MSI2: variants seen among roughly 807,000 people sequenced by gnomAD.
The protein encoded by MSI2 is musashi RNA binding protein 2.
Under a neutral mutation model 45.6 loss-of-function variants are expected in MSI2, and 17 were observed. That is an observed-to-expected ratio of 0.37 (90% CI 0.26 to 0.56). The LOEUF (loss-of-function observed/expected upper bound fraction) is 0.56. MSI2 is among the 20% of genes least tolerant of loss of function. The probability of loss-of-function intolerance (pLI) is 0.77; values close to 1 mark genes in which losing one functional copy is unlikely to be tolerated. For missense variants in MSI2, 293 were observed against 444.2 expected (o/e 0.66, Z 3.06); for synonymous variants, 156 against 158.2 (o/e 0.99, Z 0.11).
chr17:57,694,928 T>C, the MSI2 span, among the ~76,000 whole-genome samples: 228 of 152,366 alleles, frequency 1.5e-3, no homozygotes, highest in African/African-American at 5.2e-3. Flanking sequence ...GCAATGATTA[T>C]GTGAATTTGC....
Position 57,651,989 on chromosome 17 carries a change from A to G in MSI2, c.728-110A>G, listed in dbSNP as rs901563391. On this transcript the variant is annotated intron_variant, in intron 10 of 13. Coordinates refer to ENST00000284073, the MANE Select transcript of MSI2 (RefSeq NM_138962.4). ...AGCTGCCCTGTGAAAATCCCTTCCC[A>G]CTCCTGTCTTTGTGTGGAGGGCGGG... 3 of 994,464 alleles carry G rather than the reference A, an allele frequency of 3.0e-6. No individual in the cohort carries two copies. In the South Asian group the frequency reaches 4.1e-5, roughly 14 times the overall value. 61.6% of individuals were successfully genotyped at this position (994,464 alleles called of 1,614,324 possible). A position where few individuals can be genotyped will look rare whatever the true frequency, so the allele number is the denominator to read the frequency against.
intron 5 of MSI2, among the ~76,000 whole-genome samples, chr17:57,289,178 A>G (rs1355201767): frequency 2.0e-5 from 3 of 152,218 alleles, no homozygotes; most frequent in Non-Finnish European, 4.4e-5. Flanking sequence ...GGCTAGCCAC[A>G]TGCCCTGGGT....
chr17:57,504,081 T>C (rs2086174640), intron 6 of MSI2, among the ~76,000 whole-genome samples: 1 of 152,140 alleles, frequency 6.6e-6, no homozygotes, highest in Non-Finnish European at 1.5e-5. Context: ...TGACCATGGC[T>C]CTGACCTCTC....
At chr17:57,384,319 G>C (rs1376555739) in intron 5 of MSI2, among the ~76,000 whole-genome samples, 1 of 152,100 alleles carries the variant, frequency 6.6e-6, no homozygotes, top group East Asian at 1.9e-4. Flanking sequence ...TTATCTGAAG[G>C]CTTGTTCACT....
At chr17:57,604,533 A>G (rs910656680) in intron 8 of MSI2, among the ~76,000 whole-genome samples, 1 of 152,096 alleles carries the variant, frequency 6.6e-6, no homozygotes, top group Non-Finnish European at 1.5e-5. Context: ...CCAAAGCAGG[A>G]GGAACCAAGA....
Position 57,654,342 on chromosome 17 carries a change from G to C in MSI2, c.790+2181G>C, listed in dbSNP as rs535643895. On this transcript the variant is annotated intron_variant, in intron 11 of 13. Transcript: ENST00000284073. ...GTTCCTCAGCCCCACTTTGGACCTGGAACAGGGTTACAGGTTTGGGAAAGG... is the reference window on the plus strand; with the variant it reads ...GTTCCTCAGCCCCACTTTGGACCTGCAACAGGGTTACAGGTTTGGGAAAGG... Among the ~76,000 whole-genome samples the C allele has an allele frequency of 2.0e-5, 3 of 152,342 alleles. No homozygotes were observed. In the South Asian group the frequency reaches 6.2e-4, roughly 32 times the overall value.
rs34704876 is a variant in MSI2, at chr17:57,574,828, CTT to C, written c.455-22021_455-22020del. On this transcript the variant is annotated intron_variant, in intron 7 of 13. Coordinates refer to ENST00000284073, the MANE Select transcript of MSI2 (RefSeq NM_138962.4). ...CACAAATTCTGCATTCTCTCTCTCT[CTT>C]TTTTTTTTTTTTTTTTTTGAGACGG... is the stretch of plus-strand genomic sequence containing the variant. Among the ~76,000 whole-genome samples the C allele has an allele frequency of 3.1e-3, 392 of 128,378 alleles. 2 individuals carry two copies. Among genetic ancestry groups the C allele is most frequent in the Middle Eastern group, 4.6e-3 (1 of 218 alleles). The allele number at this position is 128,378 out of a possible 152,430, so 84.2% of individuals were successfully genotyped here. A position where few individuals can be genotyped will look rare whatever the true frequency, so the allele number is the denominator to read the frequency against.
chr17:57,414,363 G>C (rs971610679), intron 6 of MSI2, among the ~76,000 whole-genome samples: 2 of 151,976 alleles, frequency 1.3e-5, no homozygotes, highest in Non-Finnish European at 2.9e-5. Context: ...CCAGTCATTG[G>C]AGAAGGAGTT....
At chr17:57,496,330 T>G (rs1250054993) in intron 6 of MSI2, among the ~76,000 whole-genome samples, 1 of 152,196 alleles carries the variant, frequency 6.6e-6, no homozygotes, top group Non-Finnish European at 1.5e-5. Flanking sequence ...TTCAGTTTTC[T>G]TAATGTTTTA....
intron 6 of MSI2, among the ~76,000 whole-genome samples, chr17:57,486,690 C>T (rs752257554): frequency 3.9e-5 from 6 of 152,204 alleles, no homozygotes; most frequent in Non-Finnish European, 7.4e-5. Context: ...TTGTTAATTC[C>T]GAGCTGGGAG....
In MSI2 at chr17:57,258,674, T is replaced by C. The variant is rs111491814; in HGVS notation, c.270+320T>C. ...AGAGAGCAAATGCAACTTTTCTTTG[T>C]CAGCCAAGCACAGCACGCGTTACCA... On this transcript the variant is annotated intron_variant, in intron 4 of 13. Transcript: ENST00000284073. Among the ~76,000 whole-genome samples the C allele has an allele frequency of 2.0e-5, 3 of 152,334 alleles. 1 individual carries two copies. The highest frequency in any genetic ancestry group is 7.2e-5 in the African/African-American group (3 of 41,578).
At chr17:57,380,399 C>G (rs1240321129) in intron 5 of MSI2, among the ~76,000 whole-genome samples, 5 of 152,150 alleles carry the variant, frequency 3.3e-5, no homozygotes, top group African/African-American at 1.2e-4. Context: ...CCCTGGGTTT[C>G]TAAGCGGCGG....
chr17:57,548,898 T>TCCCCCCCCCCTC (rs758120237), intron 7 of MSI2, among the ~76,000 whole-genome samples: 1 of 121,300 alleles, frequency 8.2e-6, no homozygotes, highest in Non-Finnish European at 1.7e-5. Context: ...TGTTTACCCT[T>TCCCCCCCCCCTC]CCCCCCCCCA....
chr17:57,588,496 ACT>A (rs1438795658), intron 7 of MSI2, among the ~76,000 whole-genome samples: 2 of 152,026 alleles, frequency 1.3e-5, no homozygotes, highest in African/African-American at 4.8e-5. Context: ...CGGAGAAGTC[ACT>A]CTGCTGTGCT....
intron 6 of MSI2, chr17:57,450,255 T>TAGAAAGAAAGAAAGAAAGAGAGAAAAG (rs1567830518): frequency 1.3e-5 from 1 of 76,026 alleles, no homozygotes; most frequent in African/African-American, 3.9e-5. Context: ...TTCCCCAGCT[T>TAGAAAGAAAGAAAGAAAGAGAGAAAAG]AAAGAAAGAA....
chr17:57,571,233 C>T (rs982388326), intron 7 of MSI2, among the ~76,000 whole-genome samples: 2 of 152,202 alleles, frequency 1.3e-5, no homozygotes, highest in Non-Finnish European at 2.9e-5. Context: ...TGCCACTAAC[C>T]TTTTACTGCC....
At chr17:57,435,543 G>A (rs1271788126) in intron 6 of MSI2, among the ~76,000 whole-genome samples, 2 of 152,216 alleles carry the variant, frequency 1.3e-5, no homozygotes, top group Non-Finnish European at 2.9e-5. Context: ...CACCAAAGGT[G>A]ATCTGGCTTT....
intron 6 of MSI2, among the ~76,000 whole-genome samples, chr17:57,527,986 C>T (rs1277443485): frequency 2.6e-5 from 4 of 152,166 alleles, no homozygotes; most frequent in Admixed American, 1.3e-4. Context: ...TTAGCGCCAG[C>T]CCCCAAGCTC....
intron 6 of MSI2, among the ~76,000 whole-genome samples, chr17:57,497,876 C>T (rs1001761306): frequency 6.6e-6 from 1 of 152,164 alleles, no homozygotes; most frequent in Non-Finnish European, 1.5e-5. Context: ...GTTTGAACAC[C>T]ACATGTCCTC....
Sources: gnomAD v4.1 joint callset for allele counts (sites outside exome capture counted in the v4.1 genomes callset) on GRCh38, gnomAD v4.1.1 for gene constraint, MANE v1.5 for transcripts, NCBI Gene and HGNC (gene_info 2026-07-23, HGNC 2026-07-21) for gene names.